The following SVOPL variants were observed in gnomAD, a reference collection of about 807,000 sequenced individuals.
SVOPL encodes SVOP like.
Under a neutral mutation model 61.0 loss-of-function variants are expected in SVOPL, and 60 were observed. That is an observed-to-expected ratio of 0.98 (90% CI 0.80 to 1.22). The LOEUF is 1.22. SVOPL is among the 50% of genes most tolerant of loss of function. The pLI, the probability that SVOPL is intolerant of heterozygous loss-of-function variation, is 0.00. For missense variants in SVOPL, 662 were observed against 643.9 expected (o/e 1.03, Z -0.30); for synonymous variants, 279 against 250.0 (o/e 1.12, Z -1.09).
At chr7:138,649,209 T>C (rs547047387) in intron 7 of SVOPL, 72 bp from the exon 8 acceptor site, 2 of 1,500,864 alleles carry the variant, frequency 1.3e-6, no homozygotes, top group Admixed American at 4.5e-5. Context: ...AGGAAAAATA[T>C]ATATTTTTAG....
chr7:138,663,870 CA>C (rs1584853914), intron 4 of SVOPL, among the ~76,000 whole-genome samples: 1 of 152,120 alleles, frequency 6.6e-6, no homozygotes, highest in Non-Finnish European at 1.5e-5. Context: ...CAAAACAAAC[CA>C]GAAACAGCTC....
intron 5 of SVOPL, chr7:138,662,347 C>G: frequency 1.0e-6 from 1 of 985,416 alleles, no homozygotes; most frequent in Non-Finnish European, 1.2e-6. Flanking sequence ...GTGGCCAGTT[C>G]CTGCTAGTTT....
At chr7:138,659,813 C>A in intron 6 of SVOPL, 51 bp downstream of exon 6, 1 of 1,518,318 alleles carries the variant, frequency 6.6e-7, no homozygotes, top group South Asian at 1.2e-5. Flanking sequence ...TGCATCAGGG[C>A]CTGCAGGGGT....
chr7:138,597,022 G>A (rs760503192), intron 14 of SVOPL: 25 of 1,151,194 alleles, frequency 2.2e-5, no homozygotes, highest in African/African-American at 6.5e-5. Context: ...TCTTGTCTCC[G>A]GTTATGGAGT....
At chr7:138,691,570 C>T (rs1206743767) in intron 1 of SVOPL, among the ~76,000 whole-genome samples, 3 of 152,112 alleles carry the variant, frequency 2.0e-5, no homozygotes, top group African/African-American at 2.4e-5. Context: ...GACCAAGTCT[C>T]GCTCTTGTCA....
In SVOPL at chr7:138,701,250, G is replaced by T. The variant is rs10269205; in HGVS notation, c.-107C>A. 2.6e-5 allele frequency: 4 copies of T among 152,150 alleles called. No homozygotes were observed. The highest frequency in any genetic ancestry group is 7.2e-5 in the African/African-American group (3 of 41,426). 9.4% of individuals were successfully genotyped at this position (152,150 alleles called of 1,614,324 possible). ...CCCTCACCGTGGCCAAGTCTTAGACGGAAATTGGAGCACAGATGGCTTCTC... is the reference window on the plus strand; with the variant it reads ...CCCTCACCGTGGCCAAGTCTTAGACTGAAATTGGAGCACAGATGGCTTCTC... On this transcript the variant is annotated 5_prime_UTR_variant, in exon 1 of 16. Coordinates refer to ENST00000674285, the MANE Select transcript of SVOPL (RefSeq NM_001139456.2).
chr7:138,624,196 A>G (rs1799797047), intron 13 of SVOPL, among the ~76,000 whole-genome samples: 1 of 152,226 alleles, frequency 6.6e-6, no homozygotes, highest in Non-Finnish European at 1.5e-5. Context: ...TCCCCTACAG[A>G]GCTGGAGTAA....
chr7:138,680,391 C>T (rs946448319), intron 1 of SVOPL, among the ~76,000 whole-genome samples: 9 of 152,208 alleles, frequency 5.9e-5, no homozygotes, highest in African/African-American at 9.6e-5. Context: ...TCAAGTGATC[C>T]GCCTGCCTTG....
At position 138,683,460 on chromosome 7, in the gene SVOPL, C is replaced by G. The variant is rs948322221; in HGVS notation, c.-34-4381G>C. Reference sequence around the variant, plus strand: ...TCATCTCACTGCAACCTCTGCCCCCCGGGTTCAAGCAATTCTCCTGCCTCA... The same window carrying G: ...TCATCTCACTGCAACCTCTGCCCCCGGGGTTCAAGCAATTCTCCTGCCTCA... On this transcript the variant is annotated intron_variant, in intron 1 of 15. Coordinates refer to ENST00000674285, the MANE Select transcript of SVOPL (RefSeq NM_001139456.2). Among the ~76,000 whole-genome samples the G allele has an allele frequency of 5.9e-5, 9 of 152,102 alleles. No individual in the cohort carries two copies. In the East Asian group the frequency reaches 1.2e-3, roughly 20 times the overall value.
intron 14 of SVOPL, among the ~76,000 whole-genome samples, chr7:138,609,146 G>C (rs548644575): frequency 6.6e-6 from 1 of 152,154 alleles, no homozygotes; most frequent in South Asian, 2.1e-4. Flanking sequence ...TAATAAAGAG[G>C]TATCATTTAT....
At chr7:138,652,097 G>A (rs901453226) in intron 7 of SVOPL, among the ~76,000 whole-genome samples, 1 of 151,368 alleles carries the variant, frequency 6.6e-6, no homozygotes, top group African/African-American at 2.4e-5. Context: ...TGTCACCCAG[G>A]CTGGAGTGCA....
In SVOPL at chr7:138,626,059, C is replaced by T. The variant is rs1180386081; in HGVS notation, c.1182-9G>A. ...AGCCAATCAGGCCGGCACTAGAAAA[C>T]AGGAAGCGGAGAGAAATTATAAAAG... On this transcript the variant is annotated splice_polypyrimidine_tract_variant and intron_variant, in intron 12 of 15. Coordinates refer to ENST00000674285, the MANE Select transcript of SVOPL (RefSeq NM_001139456.2). 6.2e-7 allele frequency: 1 copy of T among 1,613,846 alleles called. No homozygotes were observed. Among genetic ancestry groups the T allele is most frequent in the Non-Finnish European group, 8.5e-7 (1 of 1,179,978 alleles).
At chr7:138,661,325 G>T (rs1801989645) in intron 5 of SVOPL, 1 of 985,258 alleles carries the variant, frequency 1.0e-6, no homozygotes, top group Admixed American at 6.2e-5. Context: ...AAAATGTGTA[G>T]CTGCTTATGT....
rs1427549160 is a variant in SVOPL, at chr7:138,621,972, ATGTAT to A, written c.1264-842_1264-838del. On this transcript the variant is annotated intron_variant, in intron 13 of 15. Coordinates refer to ENST00000674285, the MANE Select transcript of SVOPL (RefSeq NM_001139456.2). ...TATCTATCTATCTATGTATCTATCT[ATGTAT>A]CTATCTATCTATGTATCTATCTATC... Among the ~76,000 whole-genome samples the A allele has an allele frequency of 4.0e-4, 55 of 138,762 alleles. 7 individuals are homozygous for A. Among genetic ancestry groups the A allele is most frequent in the South Asian group, 6.6e-4 (3 of 4,572 alleles). 91.0% of individuals were successfully genotyped at this position (138,762 alleles called of 152,430 possible). A position where few individuals can be genotyped will look rare whatever the true frequency, so the allele number is the denominator to read the frequency against.
At chr7:138,630,389 C>T (rs1800121278) in intron 9 of SVOPL, among the ~76,000 whole-genome samples, 1 of 152,144 alleles carries the variant, frequency 6.6e-6, no homozygotes, top group Admixed American at 6.5e-5. Flanking sequence ...TTTTGCTCTT[C>T]CTCTGCCCAC....
chr7:138,693,127 T>A (rs1802980223), intron 1 of SVOPL, among the ~76,000 whole-genome samples: 1 of 152,196 alleles, frequency 6.6e-6, no homozygotes, highest in East Asian at 1.9e-4. Context: ...AATGGATTGA[T>A]ACTGTCATAA....
chr7:138,652,495 A>T (rs548961958), intron 7 of SVOPL, among the ~76,000 whole-genome samples: 1 of 152,270 alleles, frequency 6.6e-6, no homozygotes, highest in African/African-American at 2.4e-5. Context: ...CACATCTCTT[A>T]TTTAAATCTA....
chr7:138,690,034 G>A (rs1802906621), intron 1 of SVOPL, among the ~76,000 whole-genome samples: 1 of 151,974 alleles, frequency 6.6e-6, no homozygotes, highest in African/African-American at 2.4e-5. Context: ...GAACCCCAAG[G>A]GGTGCCAGCA....
intron 14 of SVOPL, among the ~76,000 whole-genome samples, chr7:138,615,546 C>T (rs10954623): frequency 0.081 from 2,075 of 25,472 alleles, 241 homozygotes; most frequent in African/African-American, 0.13. Context: ...GGTGACAGAG[C>T]GAGACTCCGT....
Sources: gnomAD v4.1 joint callset for allele counts (sites outside exome capture counted in the v4.1 genomes callset) on GRCh38, gnomAD v4.1.1 for gene constraint, MANE v1.5 for transcripts, NCBI Gene and HGNC (gene_info 2026-07-23, HGNC 2026-07-21) for gene names.